FAM135A: variants seen among roughly 807,000 people sequenced by gnomAD.
FAM135A encodes protein FAM135A.
FAM135A carries 79 observed loss-of-function variants against 146.8 expected under a neutral mutation model. The observed-to-expected ratio is 0.54, with a 90% CI of 0.45 to 0.65. The LOEUF is 0.65. Ranked by LOEUF, FAM135A falls within the 30% of genes least tolerant of loss-of-function variation. FAM135A has a pLI of 0.00. For missense variants in FAM135A, 1,623 were observed against 1,758.2 expected, an observed-to-expected ratio of 0.92 and a Z score of 1.38; for synonymous variants, 562 against 603.6, an observed-to-expected ratio of 0.93 and a Z score of 1.01.
intron 10 of FAM135A, among the ~76,000 whole-genome samples, chr6:70,485,751 G>A (rs1387382857): frequency 6.6e-6 from 1 of 152,010 alleles, no homozygotes; most frequent in African/African-American, 2.4e-5. Flanking sequence ...GATGAATGAT[G>A]TACATTTTCT....
At chr6:70,498,999 TC>T (rs898005995) in intron 11 of FAM135A, among the ~76,000 whole-genome samples, 45 of 152,336 alleles carry the variant, frequency 3.0e-4, no homozygotes, top group African/African-American at 1.1e-3. Context: ...GTCCACTTGA[TC>T]CAGAGCTGAA....
At chr6:70,459,854 C>T (rs1779095817) in intron 5 of FAM135A, among the ~76,000 whole-genome samples, 1 of 152,096 alleles carries the variant, frequency 6.6e-6, no homozygotes, top group African/African-American at 2.4e-5. Context: ...ATCGTGAAAC[C>T]CCGTCTCTAC....
At chr6:70,527,817 C>T (rs1285503213) in intron 15 of FAM135A, among the ~76,000 whole-genome samples, 1 of 152,100 alleles carries the variant, frequency 6.6e-6, no homozygotes, top group African/African-American at 2.4e-5. Context: ...ATACAAATAA[C>T]CTAATCTGCT....
chr6:70,500,556 G>A (rs1461320314), intron 11 of FAM135A, among the ~76,000 whole-genome samples: 1 of 152,150 alleles, frequency 6.6e-6, no homozygotes, highest in Non-Finnish European at 1.5e-5. Context: ...TGGAGAAGAG[G>A]CATTTTGGTT....
chr6:70,523,838 T>A, intron 13 of FAM135A, 129 bp from the exon 14 acceptor site: 1 of 824,370 alleles, frequency 1.2e-6, no homozygotes, highest in Non-Finnish European at 1.8e-6. Context: ...AGCAGCTCTC[T>A]CATAAGAAGG....
intron 4 of FAM135A, among the ~76,000 whole-genome samples, chr6:70,440,120 C>G (rs1006017522): frequency 2.6e-5 from 4 of 152,150 alleles, no homozygotes; most frequent in Admixed American, 6.5e-5. Flanking sequence ...TAATATGTCT[C>G]TTACATTTTC....
chr6:70,479,237 A>T (rs1308380278), intron 8 of FAM135A, among the ~76,000 whole-genome samples: 4 of 152,204 alleles, frequency 2.6e-5, no homozygotes, highest in African/African-American at 9.7e-5. Flanking sequence ...AGATATTCAC[A>T]TCACCATCGT....
At chr6:70,430,347 CAAAAA>C (rs963845248) in intron 4 of FAM135A, among the ~76,000 whole-genome samples, 2 of 149,646 alleles carry the variant, frequency 1.3e-5, no homozygotes, top group African/African-American at 4.9e-5. Context: ...AAAAAAAAAA[CAAAAA>C]AAGAAAGAGA....
intron 4 of FAM135A, among the ~76,000 whole-genome samples, chr6:70,451,551 A>G (rs765603478): frequency 2.6e-5 from 4 of 152,130 alleles, no homozygotes; most frequent in African/African-American, 4.8e-5. Context: ...CTTTAAAGCC[A>G]TATTGTGACT....
intron 13 of FAM135A, 78 bp downstream of exon 13, chr6:70,522,664 C>A: frequency 9.3e-7 from 1 of 1,078,126 alleles, no homozygotes; most frequent in Non-Finnish European, 1.4e-6. Flanking sequence ...TTATCAGTGA[C>A]AGAATATACA....
chr6:70,513,552 C>A (rs903964337), intron 12 of FAM135A, among the ~76,000 whole-genome samples: 1 of 151,798 alleles, frequency 6.6e-6, no homozygotes. Flanking sequence ...CCTTCAATTT[C>A]TCTAAAACCT....
chr6:70,432,885 A>G (rs1771999341), intron 4 of FAM135A, among the ~76,000 whole-genome samples: 1 of 152,030 alleles, frequency 6.6e-6, no homozygotes, highest in Non-Finnish European at 1.5e-5. Context: ...ACTTAATAAG[A>G]AAAATAATTT....
At chr6:70,536,651 CT>C (rs1406465185) in intron 19 of FAM135A, among the ~76,000 whole-genome samples, 8 of 151,868 alleles carry the variant, frequency 5.3e-5, no homozygotes, top group South Asian at 2.1e-4. Flanking sequence ...GCATTTTTTT[CT>C]TTTTTTCATT....
At chr6:70,464,658 C>CTTTCTTTTT (rs1460241786) in intron 5 of FAM135A, among the ~76,000 whole-genome samples, 6 of 100,450 alleles carry the variant, frequency 6.0e-5, no homozygotes, top group African/African-American at 2.3e-4. Context: ...TTCTTTCTTT[C>CTTTCTTTTT]TTTTTTTTCT....
At chr6:70,519,582 C>G (rs557030773) in intron 12 of FAM135A, among the ~76,000 whole-genome samples, 17 of 152,326 alleles carry the variant, frequency 1.1e-4, no homozygotes, top group African/African-American at 3.1e-4. Flanking sequence ...ATAGCCACTG[C>G]AGCCACCCTG....
chr6:70,537,587 G>C (rs1164287646), intron 19 of FAM135A, among the ~76,000 whole-genome samples: 10 of 152,076 alleles, frequency 6.6e-5, no homozygotes, highest in Admixed American at 6.5e-4. Flanking sequence ...CTTTTTCCCA[G>C]ATATGTTTCC....
rs1248547600 is a variant in FAM135A at position 70,526,195 on chromosome 6, GC to G, written c.3112del (p.Val1039TrpfsTer74). 1.2e-6 allele frequency: 2 copies of G among 1,613,204 alleles called. No homozygotes were observed. Among genetic ancestry groups the G allele is most frequent in the African/African-American group, 1.3e-5 (1 of 74,856 alleles). ...CCAGTACTGATATAGTAAAGCAAGGGCTTGTGGAAAATTATTTTGGTTCTCA... is the reference window on the plus strand; with the variant it reads ...CCAGTACTGATATAGTAAAGCAAGGGTTGTGGAAAATTATTTTGGTTCTCA... ...SASTDIVKQG[L>X]VENYFGSQSS... On this transcript the variant is annotated frameshift_variant, in exon 15 of 22. Coordinates refer to ENST00000418814, the MANE Select transcript of FAM135A (RefSeq NM_001162529.3). LOFTEE classifies it high-confidence loss of function.
At chr6:70,514,645 A>G (rs1358820397) in intron 12 of FAM135A, among the ~76,000 whole-genome samples, 1 of 152,312 alleles carries the variant, frequency 6.6e-6, no homozygotes, top group African/African-American at 2.4e-5. Flanking sequence ...ATCTTAATGG[A>G]ACAAAAACCC....
chr6:70,468,945 G>C (rs1781028649), intron 5 of FAM135A, among the ~76,000 whole-genome samples: 1 of 152,168 alleles, frequency 6.6e-6, no homozygotes, highest in African/African-American at 2.4e-5. Flanking sequence ...GTAGGGGAAA[G>C]AACACAGGAA....
Sources: gnomAD v4.1 joint callset for allele counts (sites outside exome capture counted in the v4.1 genomes callset) on GRCh38, gnomAD v4.1.1 for gene constraint, MANE v1.5 for transcripts, NCBI Gene and HGNC (gene_info 2026-07-23, HGNC 2026-07-21) for gene names.